The following MYO5B variants were observed in gnomAD, a reference collection of about 807,000 sequenced individuals.
MYO5B encodes the protein myosin VB, also known as unconventional myosin-Vb.
In MYO5B, 143 loss-of-function variants were observed where a neutral mutation model predicts 229.3. The observed-to-expected ratio is 0.62, with a 90% confidence interval of 0.54 to 0.72. MYO5B has a LOEUF of 0.72. Ranked by LOEUF, MYO5B falls within the 30% of genes least tolerant of loss-of-function variation. The pLI is 0.00. For missense variants in MYO5B, 2,321 were observed against 2,331.0 expected (o/e 1.00, Z 0.09); for synonymous variants, 918 against 885.2 (o/e 1.04, Z -0.66).
In MYO5B at chr18:49,900,263, G is replaced by T. The variant is rs567949640; in HGVS notation, c.2811+2331C>A. On this transcript the variant is annotated intron_variant, in intron 21 of 39. Transcript: ENST00000285039. ...GCTTTGTGCTTGTGTTTTTCAAAGGGCCAGTGCCAGACAGCAGACCTTTTC... is the reference window on the plus strand; with the variant it reads ...GCTTTGTGCTTGTGTTTTTCAAAGGTCCAGTGCCAGACAGCAGACCTTTTC... Among the ~76,000 whole-genome samples the T allele has an allele frequency of 5.9e-5, 9 of 152,360 alleles. No homozygotes were observed. The South Asian group carries it at 1.9e-3, about 32-fold the overall frequency.
At chr18:50,181,987 A>G (rs1047464214) in intron 1 of MYO5B, among the ~76,000 whole-genome samples, 1 of 152,182 alleles carries the variant, frequency 6.6e-6, no homozygotes. Context: ...ATACCTCCTT[A>G]ATGCTTATTC....
At chr18:50,119,906 A>G (rs1035102235) in intron 1 of MYO5B, among the ~76,000 whole-genome samples, 1 of 152,116 alleles carries the variant, frequency 6.6e-6, no homozygotes, top group Admixed American at 6.5e-5. Context: ...GGTGAACTAG[A>G]CCCTTCCTCA....
intron 4 of MYO5B, among the ~76,000 whole-genome samples, chr18:50,008,707 C>T (rs1002950945): frequency 2.0e-5 from 3 of 152,170 alleles, no homozygotes; most frequent in African/African-American, 7.2e-5. Flanking sequence ...GCTTGCCAAG[C>T]CACCACAGAA....
At chr18:50,113,883 T>A (rs1405684467) in intron 1 of MYO5B, among the ~76,000 whole-genome samples, 1 of 152,228 alleles carries the variant, frequency 6.6e-6, no homozygotes, top group East Asian at 1.9e-4. Flanking sequence ...CCTAAAGAGC[T>A]GCTACACCAA....
At chr18:49,935,838 C>T (rs774460269) in intron 16 of MYO5B, among the ~76,000 whole-genome samples, 10 of 152,196 alleles carry the variant, frequency 6.6e-5, no homozygotes, top group South Asian at 2.1e-4. Context: ...ATGTGAGAAA[C>T]AGGACCATGT....
At chr18:49,902,479 T>G in intron 21 of MYO5B, 115 bp downstream of exon 21, 1 of 1,442,636 alleles carries the variant, frequency 6.9e-7, no homozygotes, top group Non-Finnish European at 9.6e-7. Context: ...TCTGAGGACG[T>G]CTGTGCTCCC....
At chr18:50,160,305 T>C (rs1487209694) in intron 1 of MYO5B, among the ~76,000 whole-genome samples, 1 of 152,198 alleles carries the variant, frequency 6.6e-6, no homozygotes, top group African/African-American at 2.4e-5. Flanking sequence ...GCAGACTCTC[T>C]AAGGTCAGAG....
At chr18:50,078,585 G>T (rs2031142683) in intron 1 of MYO5B, among the ~76,000 whole-genome samples, 2 of 152,224 alleles carry the variant, frequency 1.3e-5, no homozygotes, top group Admixed American at 1.3e-4. Flanking sequence ...ATGCCTAAAA[G>T]AAAAGAAAAC....
At chr18:49,876,129 A>C in intron 25 of MYO5B, 1 of 404,530 alleles carries the variant, frequency 2.5e-6, no homozygotes, top group Non-Finnish European at 4.7e-6. Flanking sequence ...AAACACAGGC[A>C]CTTTCTTTGG....
At chr18:50,028,742 A>G (rs1340605265) in intron 4 of MYO5B, among the ~76,000 whole-genome samples, 2 of 152,238 alleles carry the variant, frequency 1.3e-5, no homozygotes, top group Non-Finnish European at 2.9e-5. Context: ...GCCAGAACAC[A>G]GTATCCTGCA....
At chr18:50,088,058 A>G (rs1363169585) in intron 1 of MYO5B, among the ~76,000 whole-genome samples, 1 of 152,244 alleles carries the variant, frequency 6.6e-6, no homozygotes, top group Non-Finnish European at 1.5e-5. Flanking sequence ...AGATTTGAAG[A>G]TGCAGAGACA....
chr18:50,014,080 C>T (rs928711604), intron 4 of MYO5B, among the ~76,000 whole-genome samples: 1 of 152,106 alleles, frequency 6.6e-6, no homozygotes, highest in Non-Finnish European at 1.5e-5. Context: ...AAATTCTTTA[C>T]TTAAAAAAGT....
intron 1 of MYO5B, among the ~76,000 whole-genome samples, chr18:50,099,657 T>C (rs2031617287): frequency 1.3e-5 from 2 of 152,184 alleles, no homozygotes; most frequent in South Asian, 4.1e-4. Context: ...AGGAAACATA[T>C]GGCAAGGACT....
chr18:50,007,847 CTT>C (rs1300518157), intron 4 of MYO5B, among the ~76,000 whole-genome samples: 1 of 152,156 alleles, frequency 6.6e-6, no homozygotes, highest in African/African-American at 2.4e-5. Context: ...AGTATATAGA[CTT>C]TGCTTAAGAT....
chr18:50,123,876 G>A (rs2032111854), intron 1 of MYO5B, among the ~76,000 whole-genome samples: 1 of 152,160 alleles, frequency 6.6e-6, no homozygotes, highest in South Asian at 2.1e-4. Context: ...CAGCCTAGTG[G>A]ATCATTTGTA....
chr18:49,874,044 C>T (rs1274149704), intron 26 of MYO5B, among the ~76,000 whole-genome samples: 1 of 152,178 alleles, frequency 6.6e-6, no homozygotes, highest in African/African-American at 2.4e-5. Flanking sequence ...AAGAACTTGA[C>T]CTCCAAAAGC....
chr18:50,053,661 G>A (rs1178462745), intron 2 of MYO5B, among the ~76,000 whole-genome samples: 2 of 104,276 alleles, frequency 1.9e-5, no homozygotes, highest in African/African-American at 3.7e-5. Context: ...AATGTGAGGG[G>A]TGCACACCTC....
intron 7 of MYO5B, among the ~76,000 whole-genome samples, chr18:49,986,360 G>C (rs113717204): frequency 0.013 from 1,964 of 152,296 alleles, 42 homozygotes; most frequent in African/African-American, 0.045. Context: ...GACAGGCCAG[G>C]CAAGGAGAGA....
At chr18:49,834,860 G>T (rs1013319412) in intron 39 of MYO5B, among the ~76,000 whole-genome samples, 1 of 152,120 alleles carries the variant, frequency 6.6e-6, no homozygotes, top group Admixed American at 6.5e-5. Context: ...GGATGGTCTT[G>T]ATCTCCTGAC....
Sources: gnomAD v4.1 joint callset for allele counts (sites outside exome capture counted in the v4.1 genomes callset) on GRCh38, gnomAD v4.1.1 for gene constraint, MANE v1.5 for transcripts, NCBI Gene and HGNC (gene_info 2026-07-23, HGNC 2026-07-21) for gene names.